MAGI1: variants seen among roughly 807,000 people sequenced by gnomAD.
The protein encoded by MAGI1 is membrane associated guanylate kinase, WW and PDZ domain containing 1.
A neutral mutation model predicts 139.9 loss-of-function variants in MAGI1; 58 were observed. That is an observed-to-expected ratio of 0.41 (90% CI 0.34 to 0.52). The LOEUF (loss-of-function observed/expected upper bound fraction) is 0.52. Ranked by LOEUF, MAGI1 falls within the 20% of genes least tolerant of loss-of-function variation. The probability of loss-of-function intolerance (pLI) is 0.12; values close to 1 mark genes in which losing one functional copy is unlikely to be tolerated. For missense variants in MAGI1, 1,874 were observed against 1,901.6 expected, an observed-to-expected ratio of 0.99 and a Z score of 0.27; for synonymous variants, 812 against 737.9, an observed-to-expected ratio of 1.10 and a Z score of -1.63.
chr3:65,916,667 T>A (rs2061921783), intron 1 of MAGI1, among the ~76,000 whole-genome samples: 1 of 151,986 alleles, frequency 6.6e-6, no homozygotes, highest in African/African-American at 2.4e-5. Context: ...GAGATTTGGG[T>A]GGGGACACAG....
chr3:66,021,787 G>A (rs1269228566), intron 1 of MAGI1, among the ~76,000 whole-genome samples: 1 of 152,126 alleles, frequency 6.6e-6, no homozygotes, highest in Admixed American at 6.5e-5. Context: ...GGACTGTGCT[G>A]AGCAGGGAGA....
intron 2 of MAGI1, among the ~76,000 whole-genome samples, chr3:65,554,964 T>C (rs1001774808): frequency 6.6e-6 from 1 of 152,134 alleles, no homozygotes; most frequent in Non-Finnish European, 1.5e-5. Context: ...ATGGTTTAGG[T>C]AATAGTACTG....
chr3:65,421,425 C>G (rs970572014), intron 12 of MAGI1, among the ~76,000 whole-genome samples: 1 of 152,116 alleles, frequency 6.6e-6, no homozygotes, highest in Non-Finnish European at 1.5e-5. Flanking sequence ...TTAGAAAATA[C>G]AAGCACCACA....
At chr3:65,609,217 C>G (rs141380793) in intron 2 of MAGI1, among the ~76,000 whole-genome samples, 1 of 152,190 alleles carries the variant, frequency 6.6e-6, no homozygotes, top group East Asian at 1.9e-4. Context: ...TTTACCAAAC[C>G]ATGCAGTTAA....
rs552842534 is a variant in MAGI1 at position 65,865,378 on chromosome 3, T to G, written c.313+172618A>C. 9.2e-5 allele frequency among the ~76,000 whole-genome samples: 14 copies of G among 152,148 alleles called. No individual in the cohort carries two copies. The East Asian group carries it at 2.7e-3, about 29-fold the overall frequency. The stretch of plus-strand genomic sequence containing the variant: ...CACTTAGGGAGGACGAGGCAATCGC[T>G]TGAGCTGAAGAGATCAAGACCTGCC... On this transcript the variant is annotated intron_variant, in intron 1 of 22. Coordinates refer to ENST00000402939, the MANE Select transcript of MAGI1 (RefSeq NM_001033057.2).
At chr3:65,531,028 AATGAC>A (rs2107847749) in intron 2 of MAGI1, among the ~76,000 whole-genome samples, 1 of 151,850 alleles carries the variant, frequency 6.6e-6, no homozygotes, top group South Asian at 2.1e-4. Flanking sequence ...ATGAGAATTA[AATGAC>A]ATAAGTCATG....
intron 3 of MAGI1, among the ~76,000 whole-genome samples, chr3:65,488,171 C>T (rs1951747756): frequency 6.6e-6 from 1 of 152,070 alleles, no homozygotes; most frequent in Non-Finnish European, 1.5e-5. Context: ...CCCCATGGCC[C>T]ATGCTGATTA....
intron 10 of MAGI1, among the ~76,000 whole-genome samples, chr3:65,432,662 C>A (rs753483522): frequency 4.6e-5 from 7 of 152,126 alleles, no homozygotes; most frequent in Non-Finnish European, 1.0e-4. Context: ...TCTGCCAAGG[C>A]GTTGGGAGGG....
In MAGI1 at chr3:65,387,302, T is replaced by C. The variant is rs1010195358; in HGVS notation, c.2417-3679A>G. ...TTAGTTCACTTTAATTTAGTTTTGA[T>C]TGATAAGGAACAGTCAGTTCAGCTT... On this transcript the variant is annotated intron_variant, in intron 14 of 22. Transcript: ENST00000402939. The C allele has an allele frequency of 7.3e-6, 8 of 1,097,500 alleles. No homozygotes were observed. In the Admixed American group the frequency reaches 1.1e-4, roughly 15 times the overall value. The allele number at this position is 1,097,500 out of a possible 1,614,324, so 68.0% of individuals were successfully genotyped here.
rs571235862 is a variant in MAGI1, at chr3:65,463,427, C to A, written c.959+6856G>T. Among the ~76,000 whole-genome samples, 16 of 152,228 alleles carry A rather than the reference C, an allele frequency of 1.1e-4. 1 individual carries two copies. The South Asian group carries it at 2.5e-3, about 24-fold the overall frequency. On this transcript the variant is annotated intron_variant, in intron 5 of 22. Transcript: ENST00000402939. ...GTTTATTGATTTGCATATGTTGAAC[C>A]AGCCTTGCAGCCCAGGGATGAAGCT...
chr3:65,800,803 T>G (rs2040467248), intron 1 of MAGI1, among the ~76,000 whole-genome samples: 1 of 152,236 alleles, frequency 6.6e-6, no homozygotes, highest in African/African-American at 2.4e-5. Context: ...GATATTTTTC[T>G]CATATATTTT....
intron 1 of MAGI1, among the ~76,000 whole-genome samples, chr3:65,629,565 A>T (rs1321098875): frequency 7.3e-6 from 1 of 136,872 alleles, no homozygotes; most frequent in Non-Finnish European, 1.5e-5. Context: ...TTACAGCAAA[A>T]AAAAAAAAAA....
chr3:65,605,544 G>A (rs1358308220), intron 2 of MAGI1, among the ~76,000 whole-genome samples: 2 of 152,142 alleles, frequency 1.3e-5, no homozygotes, highest in African/African-American at 2.4e-5. Context: ...ACTCAATGAT[G>A]GAGAGCCTAA....
At chr3:65,930,006 G>A (rs2062719359) in intron 1 of MAGI1, among the ~76,000 whole-genome samples, 1 of 151,998 alleles carries the variant, frequency 6.6e-6, no homozygotes, top group Non-Finnish European at 1.5e-5. Flanking sequence ...TTCCTAGAAG[G>A]GCAAATCACA....
chr3:65,895,039 T>C (rs1218208742), intron 1 of MAGI1, among the ~76,000 whole-genome samples: 4 of 152,220 alleles, frequency 2.6e-5, no homozygotes, highest in African/African-American at 9.7e-5. Flanking sequence ...TAATGTTATT[T>C]ATTAAAACAA....
intron 1 of MAGI1, among the ~76,000 whole-genome samples, chr3:65,899,535 A>G (rs2061128714): frequency 1.3e-5 from 2 of 152,228 alleles, no homozygotes; most frequent in Admixed American, 6.5e-5. Context: ...CACCATGGCA[A>G]AACACTACCA....
At chr3:65,589,561 C>A (rs2081864082) in intron 2 of MAGI1, among the ~76,000 whole-genome samples, 1 of 152,120 alleles carries the variant, frequency 6.6e-6, no homozygotes, top group Admixed American at 6.5e-5. Flanking sequence ...TGTTGACCCC[C>A]CCTGCATTAA....
chr3:65,544,886 A>T lies in MAGI1; in HGVS notation c.431-51255T>A, dbSNP rs1344048386. Reference sequence around the variant, plus strand: ...CCTGATGGGGTTATTTTGTAGATTAAGTAATACATGTGAGTGTGATTTATA... The same window carrying T: ...CCTGATGGGGTTATTTTGTAGATTATGTAATACATGTGAGTGTGATTTATA... On this transcript the variant is annotated intron_variant, in intron 2 of 22. Coordinates refer to ENST00000402939, the MANE Select transcript of MAGI1 (RefSeq NM_001033057.2). 2.0e-5 allele frequency among the ~76,000 whole-genome samples: 3 copies of T among 152,240 alleles called. No homozygotes were observed. In the East Asian group the frequency reaches 5.8e-4, roughly 29 times the overall value.
chr3:65,428,289 C>A (rs1013172206), intron 12 of MAGI1, among the ~76,000 whole-genome samples: 41 of 152,326 alleles, frequency 2.7e-4, no homozygotes, highest in African/African-American at 9.9e-4. Context: ...AACAGCCATT[C>A]TCAGGCCCAC....
Sources: gnomAD v4.1 joint callset for allele counts (sites outside exome capture counted in the v4.1 genomes callset) on GRCh38, gnomAD v4.1.1 for gene constraint, MANE v1.5 for transcripts, NCBI Gene and HGNC (gene_info 2026-07-23, HGNC 2026-07-21) for gene names.